Variants in SLC24A2 observed in about 807,000 individuals in gnomAD.
The protein encoded by SLC24A2 is solute carrier family 24 member 2.
In SLC24A2, 36 loss-of-function variants were observed where a neutral mutation model predicts 62.0. The ratio of observed to expected loss-of-function variants is 0.58; its 90% CI spans 0.44 to 0.77. The LOEUF is 0.77. Ranked by LOEUF, SLC24A2 falls within the 30% of genes least tolerant of loss-of-function variation. The pLI is 0.00. For missense variants in SLC24A2, 846 were observed against 817.9 expected (o/e 1.03, Z -0.42); for synonymous variants, 358 against 294.0 (o/e 1.22, Z -2.23).
intron 2 of SLC24A2, among the ~76,000 whole-genome samples, chr9:19,785,110 A>T (rs1823123626): frequency 6.6e-6 from 1 of 152,256 alleles, no homozygotes; most frequent in Non-Finnish European, 1.5e-5. Flanking sequence ...ACAATACCAC[A>T]TACGATTGTA....
At position 19,510,362 on chromosome 9, in the gene SLC24A2, A is replaced by G. The variant is rs1203065601; in HGVS notation, c.*5791T>C. ...AAGATAATTTTAATTGAAAATAGGT[A>G]AAGAGTCACATAGCGGTAACTTCCA... On this transcript the variant is annotated 3_prime_UTR_variant, in exon 11 of 11. Coordinates refer to ENST00000341998, the MANE Select transcript of SLC24A2 (RefSeq NM_020344.4). 1.3e-5 allele frequency: 2 copies of G among 151,472 alleles called. No individual in the cohort carries two copies. The highest frequency in any genetic ancestry group is 2.4e-5 in the African/African-American group (1 of 41,202). The allele number at this position is 151,472 out of a possible 1,614,324, so 9.4% of individuals were successfully genotyped here.
the SLC24A2 span, among the ~76,000 whole-genome samples, chr9:20,297,726 G>C: frequency 6.6e-6 from 1 of 152,202 alleles, no homozygotes; most frequent in Non-Finnish European, 1.5e-5. Flanking sequence ...AGGAGGCTGA[G>C]CACAGTCCAA....
At chr9:19,886,074 A>T in the SLC24A2 span, among the ~76,000 whole-genome samples, 10 of 152,262 alleles carry the variant, frequency 6.6e-5, no homozygotes, top group African/African-American at 2.4e-4. Context: ...TGCATGTGTC[A>T]TTATGGTAAA....
the SLC24A2 span, among the ~76,000 whole-genome samples, chr9:20,222,623 C>T: frequency 1.3e-5 from 2 of 151,942 alleles, no homozygotes; most frequent in African/African-American, 4.8e-5. Context: ...AATGATCTGG[C>T]AGAGTGTAAA....
the SLC24A2 span, among the ~76,000 whole-genome samples, chr9:20,260,196 C>A: frequency 6.6e-6 from 1 of 152,228 alleles, no homozygotes; most frequent in East Asian, 1.9e-4. Context: ...TGGTTTGGCC[C>A]TTCTTGCCCT....
intron 7 of SLC24A2, among the ~76,000 whole-genome samples, chr9:19,559,201 G>A (rs139778732): frequency 6.6e-6 from 1 of 152,216 alleles, no homozygotes; most frequent in South Asian, 2.1e-4. Context: ...GAGAAAAAAA[G>A]CTTGACTAGG....
chr9:19,586,664 C>G (rs1836380611), intron 5 of SLC24A2, among the ~76,000 whole-genome samples: 2 of 152,050 alleles, frequency 1.3e-5, no homozygotes, highest in Admixed American at 1.3e-4. Flanking sequence ...AAACTCCCAG[C>G]AGGTATCAGA....
the SLC24A2 span, among the ~76,000 whole-genome samples, chr9:20,070,385 C>T: frequency 2.0e-5 from 3 of 152,194 alleles, no homozygotes; most frequent in African/African-American, 7.2e-5. Context: ...TGCTTTATCA[C>T]CATTTATTAC....
chr9:20,092,878 G>C, the SLC24A2 span, among the ~76,000 whole-genome samples: 1 of 152,142 alleles, frequency 6.6e-6, no homozygotes, highest in Non-Finnish European at 1.5e-5. Flanking sequence ...CATAGAAGAA[G>C]AAAGTAGAAT....
At chr9:19,570,525 T>C (rs1398157654) in intron 7 of SLC24A2, among the ~76,000 whole-genome samples, 1 of 152,222 alleles carries the variant, frequency 6.6e-6, no homozygotes, top group African/African-American at 2.4e-5. Flanking sequence ...ATTTATACCC[T>C]GAATACTCCC....
chr9:20,278,479 A>G, the SLC24A2 span, among the ~76,000 whole-genome samples: 1 of 152,178 alleles, frequency 6.6e-6, no homozygotes, highest in East Asian at 1.9e-4. Context: ...TCAAAGTTCC[A>G]CAGGTCTCTA....
At chr9:19,578,334 A>G (rs1026179021) in intron 5 of SLC24A2, among the ~76,000 whole-genome samples, 1 of 143,734 alleles carries the variant, frequency 7.0e-6, no homozygotes, top group Admixed American at 7.3e-5. Flanking sequence ...TTATTGACAT[A>G]ATAAGTAAAT....
At chr9:19,737,816 T>C (rs1435092989) in intron 2 of SLC24A2, among the ~76,000 whole-genome samples, 1 of 152,030 alleles carries the variant, frequency 6.6e-6, no homozygotes, top group Non-Finnish European at 1.5e-5. Flanking sequence ...ATTTAATGAA[T>C]TTTATTAAAT....
chr9:19,643,946 T>C lies in SLC24A2; in HGVS notation c.931-21647A>G, dbSNP rs1818572347. On this transcript the variant is annotated intron_variant, in intron 2 of 10. Coordinates refer to ENST00000341998, the MANE Select transcript of SLC24A2 (RefSeq NM_020344.4). ...GAACTCAACTGAGTGGGACTGAAGG[T>C]ATTGAGATCACTTTGAAATTTCTCT... Among the ~76,000 whole-genome samples, 2 of 152,210 alleles carry C rather than the reference T, an allele frequency of 1.3e-5. 1 individual carries two copies. Among genetic ancestry groups the C allele is most frequent in the South Asian group, 4.1e-4 (2 of 4,830 alleles).
the SLC24A2 span, among the ~76,000 whole-genome samples, chr9:20,266,418 G>A: frequency 6.6e-6 from 1 of 152,140 alleles, no homozygotes. Flanking sequence ...CAGTCTCTGG[G>A]TGTTCCCTAT....
the SLC24A2 span, among the ~76,000 whole-genome samples, chr9:20,097,774 G>T: frequency 2.4e-4 from 23 of 94,952 alleles, no homozygotes; most frequent in Admixed American, 1.6e-4. Flanking sequence ...ACGGAGTCTT[G>T]CTCTGTCACC....
chr9:19,567,716 G>C (rs547621279), intron 7 of SLC24A2, among the ~76,000 whole-genome samples: 2 of 146,518 alleles, frequency 1.4e-5, no homozygotes, highest in Admixed American at 6.9e-5. Flanking sequence ...ATTTGAGAAG[G>C]TTGATAAATT....
At chr9:19,661,846 C>A (rs562431525) in intron 2 of SLC24A2, among the ~76,000 whole-genome samples, 18 of 152,330 alleles carry the variant, frequency 1.2e-4, no homozygotes, top group Admixed American at 6.5e-5. Flanking sequence ...GCCTATCAAC[C>A]TATGTGAGTG....
chr9:19,775,992 T>C (rs1822834093), intron 2 of SLC24A2, among the ~76,000 whole-genome samples: 1 of 152,260 alleles, frequency 6.6e-6, no homozygotes, highest in Non-Finnish European at 1.5e-5. Flanking sequence ...GACACCAGTA[T>C]TTTTAATAGA....
Sources: gnomAD v4.1 joint callset for allele counts (sites outside exome capture counted in the v4.1 genomes callset) on GRCh38, gnomAD v4.1.1 for gene constraint, MANE v1.5 for transcripts, NCBI Gene and HGNC (gene_info 2026-07-23, HGNC 2026-07-21) for gene names.